The following EPM2A variants were observed in gnomAD, a reference collection of about 807,000 sequenced individuals.
EPM2A encodes the protein laforin.
A neutral mutation model predicts 26.5 loss-of-function variants in EPM2A; 21 were observed. The ratio of observed to expected loss-of-function variants is 0.79; its 90% confidence interval spans 0.56 to 1.14. The LOEUF (loss-of-function observed/expected upper bound fraction) is 1.14. EPM2A is among the 50% of genes most tolerant of loss of function. The pLI is 0.00. For missense variants in EPM2A, 458 were observed against 440.8 expected (o/e 1.04, Z -0.35); for synonymous variants, 217 against 177.6 (o/e 1.22, Z -1.76).
intron 4 of EPM2A, among the ~76,000 whole-genome samples, chr6:145,444,278 A>T (rs966167381): frequency 6.6e-6 from 1 of 152,192 alleles, no homozygotes. Flanking sequence ...TGTTCCTTTA[A>T]TACCTAGTTT....
chr6:145,644,616 C>T (rs1056221534), intron 2 of EPM2A, among the ~76,000 whole-genome samples: 20 of 152,172 alleles, frequency 1.3e-4, no homozygotes, highest in Middle Eastern at 3.4e-3. Flanking sequence ...AGAAACACTT[C>T]CTCTTCCCTA....
chr6:145,617,950 A>T (rs76291058), intron 2 of EPM2A, among the ~76,000 whole-genome samples: 2,482 of 152,246 alleles, frequency 0.016, 61 homozygotes, highest in African/African-American at 0.054. Context: ...CTCAAAAAAA[A>T]TTTTTTTAAT....
chr6:145,703,338 G>A (rs192011851), intron 1 of EPM2A, among the ~76,000 whole-genome samples: 4 of 151,978 alleles, frequency 2.6e-5, no homozygotes, highest in South Asian at 2.1e-4. Flanking sequence ...TGATCTGCCC[G>A]CCTCGACCTC....
chr6:145,694,077 T>A (rs1308662127), intron 1 of EPM2A, among the ~76,000 whole-genome samples: 1 of 152,054 alleles, frequency 6.6e-6, no homozygotes, highest in Non-Finnish European at 1.5e-5. Context: ...TGGTTAAATA[T>A]CTATTGGATA....
chr6:145,622,054 C>G (rs1775648640), downstream of EPM2A, among the ~76,000 whole-genome samples: 1 of 152,150 alleles, frequency 6.6e-6, no homozygotes, highest in Non-Finnish European at 1.5e-5. Context: ...ATATTTTCTT[C>G]TAGGAGTTCT....
At position 145,452,081 on chromosome 6, in the gene EPM2A, T is replaced by G. The variant is rs142714002; in HGVS notation, c.555+50441A>C. Reference sequence around the variant, plus strand: ...TGGTCTACCCCTCTCTTTTACACCCTGGCTCTCTTAACAGTTGCCTGCCAG... The same window carrying G: ...TGGTCTACCCCTCTCTTTTACACCCGGGCTCTCTTAACAGTTGCCTGCCAG... On this transcript the variant is annotated intron_variant, in intron 4 of 4. Transcript: ENST00000638717. Among the ~76,000 whole-genome samples the G allele has an allele frequency of 1.2e-3, 178 of 152,330 alleles. 1 individual carries two copies. The highest frequency in any genetic ancestry group is 4.1e-3 in the African/African-American group (171 of 41,570).
In EPM2A at chr6:145,652,104, C is replaced by T. The variant is rs1229202554; in HGVS notation, c.477-16618G>A. The stretch of plus-strand genomic sequence containing the variant: ...TTTCCTTTTATGACCTATAAAAAAG[C>T]CTGTACAGCTATTACCTAGTTTTTC... On this transcript the variant is annotated intron_variant, in intron 2 of 3. Transcript: ENST00000367519. Among the ~76,000 whole-genome samples, 3 of 152,094 alleles carry T rather than the reference C, an allele frequency of 2.0e-5. No homozygotes were observed. The East Asian group carries it at 5.8e-4, about 29-fold the overall frequency.
intron 4 of EPM2A, among the ~76,000 whole-genome samples, chr6:145,461,329 T>C (rs1430016210): frequency 1.3e-5 from 2 of 152,138 alleles, no homozygotes; most frequent in African/African-American, 4.8e-5. Context: ...ACAGTCAGGA[T>C]TGGAGAATGT....
At chr6:145,706,368 C>A (rs1161195284) in intron 1 of EPM2A, among the ~76,000 whole-genome samples, 1 of 152,162 alleles carries the variant, frequency 6.6e-6, no homozygotes, top group Non-Finnish European at 1.5e-5. Context: ...TGAGTGAGGA[C>A]AACAAAGCCA....
In EPM2A at chr6:145,579,385, T is replaced by G. The variant is rs562854221; in HGVS notation, c.340+55860A>C. Among the ~76,000 whole-genome samples, 4 of 152,274 alleles carry G rather than the reference T, an allele frequency of 2.6e-5. No homozygotes were observed. In the South Asian group the frequency reaches 6.2e-4, roughly 24 times the overall value. On this transcript the variant is annotated intron_variant, in intron 2 of 3. Coordinates refer to the EPM2A transcript ENST00000450221. The stretch of plus-strand genomic sequence containing the variant: ...ATAAAATTAACCATCACAAAGTACA[T>G]ACACATTAAAGATTGGCATGTCCTG...
intron 2 of EPM2A, among the ~76,000 whole-genome samples, chr6:145,576,170 C>A (rs530788546): frequency 3.2e-4 from 48 of 152,260 alleles, no homozygotes; most frequent in Admixed American, 2.9e-3. Flanking sequence ...CCCCACAATT[C>A]CTGCCCAGGA....
intron 2 of EPM2A, among the ~76,000 whole-genome samples, chr6:145,611,150 C>G (rs1775384443): frequency 6.6e-6 from 1 of 151,922 alleles, no homozygotes; most frequent in Non-Finnish European, 1.5e-5. Context: ...TCTGTACTGA[C>G]AAGTATCTTT....
downstream of EPM2A, among the ~76,000 whole-genome samples, chr6:145,620,657 T>C (rs1386837834): frequency 6.6e-6 from 1 of 152,242 alleles, no homozygotes; most frequent in Non-Finnish European, 1.5e-5. Context: ...ATAAGTATGG[T>C]AATGACAATG....
chr6:145,579,117 G>C (rs1177938506), intron 2 of EPM2A, among the ~76,000 whole-genome samples: 1 of 151,690 alleles, frequency 6.6e-6, no homozygotes, highest in African/African-American at 2.4e-5. Context: ...AAACATGCAC[G>C]TTGTGCACAT....
intron 2 of EPM2A, among the ~76,000 whole-genome samples, chr6:145,581,278 T>C (rs1781109175): frequency 6.6e-6 from 1 of 152,172 alleles, no homozygotes; most frequent in Admixed American, 6.5e-5. Flanking sequence ...TTTTCATGTT[T>C]GTTGGCTGCG....
intron 4 of EPM2A, among the ~76,000 whole-genome samples, chr6:145,432,935 T>G (rs558497170): frequency 6.6e-6 from 1 of 152,314 alleles, no homozygotes; most frequent in Middle Eastern, 3.4e-3. Flanking sequence ...TCTTTAAACC[T>G]GGTGAACCAA....
chr6:145,468,317 G>A (rs191804626), intron 4 of EPM2A, among the ~76,000 whole-genome samples: 20 of 152,004 alleles, frequency 1.3e-4, no homozygotes, highest in East Asian at 7.7e-4. Flanking sequence ...CACTTTAATC[G>A]CCGTACATTG....
At chr6:145,631,100 T>A (rs1776218968) in intron 3 of EPM2A, 1 of 152,074 alleles carries the variant, frequency 6.6e-6, no homozygotes. Context: ...AATAATGTCC[T>A]CCTTGAGGAT....
In EPM2A at chr6:145,655,798, A is replaced by G. The variant is rs77823686; in HGVS notation, c.477-20312T>C. Among the ~76,000 whole-genome samples, 794 of 152,332 alleles carry G rather than the reference A, an allele frequency of 5.2e-3. 4 individuals are homozygous for G. The highest frequency in any genetic ancestry group is 0.018 in the African/African-American group (760 of 41,570). ...GAAAAAAAAGGGAACATAACAGAGC[A>G]CTGGCATTTACTAATTCGAACACTG... On this transcript the variant is annotated intron_variant, in intron 2 of 3. Transcript: ENST00000367519.
Sources: gnomAD v4.1 joint callset for allele counts (sites outside exome capture counted in the v4.1 genomes callset) on GRCh38, gnomAD v4.1.1 for gene constraint, MANE v1.5 for transcripts, NCBI Gene and HGNC (gene_info 2026-07-23, HGNC 2026-07-21) for gene names.